SYNE2: variants seen among roughly 807,000 people sequenced by gnomAD.
SYNE2 encodes the protein spectrin repeat containing nuclear envelope protein 2.
A neutral mutation model predicts 856.3 loss-of-function variants in SYNE2; 431 were observed. That is an observed-to-expected ratio of 0.50 (90% CI 0.47 to 0.55). The LOEUF (loss-of-function observed/expected upper bound fraction) is 0.55. SYNE2 is among the 20% of genes least tolerant of loss of function. The probability of loss-of-function intolerance (pLI) is 0.00; values close to 1 mark genes in which losing one functional copy is unlikely to be tolerated. For missense variants in SYNE2, 8,129 were observed against 8,023.2 expected (o/e 1.01, Z -0.50); for synonymous variants, 2,923 against 2,872.3 (o/e 1.02, Z -0.56).
At chr14:64,190,736 G>C in intron 99 of SYNE2, 1 of 662,482 alleles carries the variant, frequency 1.5e-6, no homozygotes, top group Non-Finnish European at 2.7e-6. Context: ...GGTCTCCCAT[G>C]GGTGTCTTGT....
At chr14:64,039,353 A>G (rs2097129455) in intron 45 of SYNE2, among the ~76,000 whole-genome samples, 1 of 152,316 alleles carries the variant, frequency 6.6e-6, no homozygotes, top group African/African-American at 2.4e-5. Context: ...TGACTGTGCT[A>G]ACATGTTGGC....
chr14:64,225,087 C>T (rs1567706661), intron 115 of SYNE2, 42 bp downstream of exon 115: 2 of 1,604,384 alleles, frequency 1.2e-6, no homozygotes, highest in Admixed American at 1.7e-5. Context: ...TCCCCTGCTC[C>T]ACACTCCCAC....
At chr14:64,077,035 T>C (rs2097467196) in intron 54 of SYNE2, among the ~76,000 whole-genome samples, 4 of 152,156 alleles carry the variant, frequency 2.6e-5, no homozygotes, top group Admixed American at 2.6e-4. Context: ...AATGTTATGC[T>C]CATGAATACT....
intron 1 of SYNE2, among the ~76,000 whole-genome samples, chr14:63,818,122 C>T (rs1889076320): frequency 6.6e-6 from 1 of 150,762 alleles, no homozygotes; most frequent in African/African-American, 2.4e-5. Context: ...GAGGTGGGCA[C>T]ATCACAAGGT....
intron 32 of SYNE2, among the ~76,000 whole-genome samples, 183 bp from the exon 33 acceptor site, chr14:64,016,290 T>A (rs1296477375): frequency 6.6e-6 from 1 of 152,158 alleles, no homozygotes; most frequent in Non-Finnish European, 1.5e-5. Context: ...ATGGTTAGGA[T>A]GCTAAAAACT....
chr14:63,955,132 C>T (rs995447122), intron 8 of SYNE2, among the ~76,000 whole-genome samples: 32 of 152,142 alleles, frequency 2.1e-4, no homozygotes, highest in Admixed American at 5.9e-4. Context: ...GCAAACAGTG[C>T]TGTTATTGGG....
Position 64,214,414 on chromosome 14 carries a change from G to T in SYNE2, c.19277G>T (p.Gly6426Val). The change falls in exon 106 of 116, where the codon GGG becomes GTG. Residue 6426 changes from glycine (G) to valine (V), a missense_variant. Around this residue, in one of 3 missense-constraint regions of SYNE2, gnomAD observed 5,410 missense variants for 5,284.8 expected, o/e 1.02. Coordinates refer to ENST00000555002, the MANE Select transcript of SYNE2 (RefSeq NM_182914.3). ...PLEWDHTGDV[G>V]GSSSHEEDEE... ...GAGTGGGACCACACAGGCGACGTGG[G>T]GGGCTCCTCCTCTCACGAAGAGGAC... is the stretch of plus-strand genomic sequence containing the variant. 1 of 1,614,056 alleles carries T rather than the reference G, an allele frequency of 6.2e-7. No individual in the cohort carries two copies. Among genetic ancestry groups the T allele is most frequent in the Non-Finnish European group, 8.5e-7 (1 of 1,180,018 alleles).
chr14:63,833,545 C>T lies in SYNE2; in HGVS notation c.-304-18956C>T, dbSNP rs186925764. ...ACCTATGTTTGTCTATGATAAACCC[C>T]CAGCTAAGTTCTAGCACCTCTTCTC... On this transcript the variant is annotated intron_variant, in intron 1 of 23. Transcript: ENST00000674003. Among the ~76,000 whole-genome samples, 117 of 152,236 alleles carry T rather than the reference C, an allele frequency of 7.7e-4. 1 individual carries two copies. The highest frequency in any genetic ancestry group is 7.6e-3 in the Admixed American group (116 of 15,282).
At chr14:64,122,612 C>T (rs1310405762) in intron 70 of SYNE2, 185 bp downstream of exon 70, 8 of 711,362 alleles carry the variant, frequency 1.1e-5, no homozygotes, top group African/African-American at 1.1e-4. Context: ...TCTGTAGCAC[C>T]CAGGGCTTCC....
chr14:64,048,017 G>T lies in SYNE2; in HGVS notation c.7239G>T (p.Met2413Ile). 4 of 1,613,786 alleles carry T rather than the reference G, an allele frequency of 2.5e-6. No individual in the cohort carries two copies. The highest frequency in any genetic ancestry group is 2.5e-6 in the Non-Finnish European group (3 of 1,179,836). The change falls in exon 46 of 116, where the codon ATG becomes ATT. Residue 2413 changes from methionine to isoleucine, a missense_variant. Met to Ile is a conservative substitution (Grantham distance 10). This residue lies in a region of SYNE2 where 5,410 missense variants were observed against 5,284.8 expected (regional missense o/e 1.02). Coordinates refer to ENST00000555002, the MANE Select transcript of SYNE2 (RefSeq NM_182914.3). ...WEINKDSAVE[M>I]AMSKQLSLNA... ...TATTTCAGGATTCAGCTGTGGAAAT[G>T]GCTATGTCAAAACAACTTTCTCTTA...
At chr14:64,215,611 T>C in intron 107 of SYNE2, 2 of 574,486 alleles carry the variant, frequency 3.5e-6, no homozygotes. Flanking sequence ...TTTTTCATGG[T>C]GCCTGTTTTG....
rs138345804 is a variant in SYNE2 at position 64,038,857 on chromosome 14, GGGGAGA to G, written c.7221+7526_7221+7531del. Among the ~76,000 whole-genome samples the G allele has an allele frequency of 5.5e-3, 839 of 151,566 alleles. 6 individuals are homozygous for G. The highest frequency in any genetic ancestry group is 0.027 in the Middle Eastern group (8 of 294). ...GGAAAGAGAGGGAGAGGGAGACCGT[GGGGAGA>G]GGGAGAGGGAGAGGGAGAGGGAGAG... On this transcript the variant is annotated intron_variant, in intron 45 of 115. Transcript: ENST00000555002.
intron 24 of SYNE2, 26 bp downstream of exon 24, chr14:63,997,184 C>G: frequency 6.2e-7 from 1 of 1,605,520 alleles, no homozygotes; most frequent in South Asian, 1.1e-5. Context: ...GAATAGCTAC[C>G]CTTCAGGATA....
chr14:63,825,700 C>A (rs966787935), intron 1 of SYNE2, among the ~76,000 whole-genome samples: 1 of 151,994 alleles, frequency 6.6e-6, no homozygotes, highest in Admixed American at 6.6e-5. Context: ...ATGGCAAAAC[C>A]CCGTCTCTAC....
Position 64,225,656 on chromosome 14 carries a change from T to G in SYNE2, c.*130T>G. 9.7e-7 allele frequency: 1 copy of G among 1,034,624 alleles called. No individual in the cohort carries two copies. The highest frequency in any genetic ancestry group is 1.5e-6 in the Non-Finnish European group (1 of 678,486). 64.1% of individuals were successfully genotyped at this position (1,034,624 alleles called of 1,614,324 possible). ...GACCTGTGCAGACTTCTTCTGGGCTTACCCAGCACGGGCTCCCTGGAGCCC... is the reference window on the plus strand; with the variant it reads ...GACCTGTGCAGACTTCTTCTGGGCTGACCCAGCACGGGCTCCCTGGAGCCC... On this transcript the variant is annotated 3_prime_UTR_variant, in exon 116 of 116. Transcript: ENST00000555002.
At position 63,909,143 on chromosome 14, in the gene SYNE2, C is replaced by G; in HGVS notation, c.-6C>G. On this transcript the variant is annotated 5_prime_UTR_variant, in exon 2 of 116. Transcript: ENST00000555002. Reference sequence around the variant, plus strand: ...GGACATGATATAATCTCCATTGAGTCAAAGAATGGCATCTAGTCCTGAGCT... The same window carrying G: ...GGACATGATATAATCTCCATTGAGTGAAAGAATGGCATCTAGTCCTGAGCT... The G allele has an allele frequency of 6.2e-7, 1 of 1,602,426 alleles. No individual in the cohort carries two copies. Among genetic ancestry groups the G allele is most frequent in the Non-Finnish European group, 8.5e-7 (1 of 1,169,636 alleles).
intron 49 of SYNE2, among the ~76,000 whole-genome samples, chr14:64,061,000 GGAT>G (rs1193517914): frequency 6.6e-6 from 1 of 152,186 alleles, no homozygotes; most frequent in African/African-American, 2.4e-5. Flanking sequence ...TGCTGCTGGG[GGAT>G]GGGTGAGGAG....
intron 68 of SYNE2, among the ~76,000 whole-genome samples, chr14:64,121,363 A>G (rs1202649098): frequency 6.6e-6 from 1 of 152,128 alleles, no homozygotes; most frequent in East Asian, 1.9e-4. Context: ...TCTACTAAAA[A>G]TACAAAAAAA....
At chr14:63,863,622 C>A (rs745553686) in intron 1 of SYNE2, among the ~76,000 whole-genome samples, 26 of 152,156 alleles carry the variant, frequency 1.7e-4, no homozygotes, top group South Asian at 2.1e-4. Flanking sequence ...AACTCAAATG[C>A]ATATAAGCTG....
Sources: allele counts gnomAD v4.1 joint callset (sites outside exome capture counted in the v4.1 genomes callset), GRCh38; gene constraint gnomAD v4.1.1; regional missense constraint gnomAD v4.1.1; transcripts MANE v1.5; gene names NCBI Gene and HGNC (gene_info 2026-07-23, HGNC 2026-07-21).